KIF14: variants seen among roughly 807,000 people sequenced by gnomAD.
KIF14 encodes kinesin family member 14.
Under a neutral mutation model 176.2 loss-of-function variants are expected in KIF14, and 98 were observed. The ratio of observed to expected loss-of-function variants is 0.56; its 90% confidence interval spans 0.47 to 0.66. KIF14 has a LOEUF of 0.66. Among genes scored for constraint, KIF14 ranks in the 30% least tolerant of loss-of-function variants. The pLI is 0.00. For synonymous variants in KIF14, 566 were observed against 632.2 expected (o/e 0.90, Z 1.57); for missense variants, 1,751 against 1,920.4 (o/e 0.91, Z 1.65).
At chr1:200,574,442 C>T (rs1053851381) in intron 22 of KIF14, among the ~76,000 whole-genome samples, 13 of 152,184 alleles carry the variant, frequency 8.5e-5, no homozygotes, top group African/African-American at 2.9e-4. Context: ...ATTCTGCATC[C>T]TGAGTATGTA....
intron 13 of KIF14, among the ~76,000 whole-genome samples, chr1:200,598,751 G>T (rs1271387120): frequency 6.6e-6 from 1 of 151,924 alleles, no homozygotes; most frequent in African/African-American, 2.4e-5. Context: ...TAGAGATAGG[G>T]TTTCGTCATG....
chr1:200,559,184 T>C (rs1330915403), intron 27 of KIF14, 146 bp downstream of exon 27: 3 of 446,522 alleles, frequency 6.7e-6, no homozygotes, highest in Middle Eastern at 6.5e-4. Flanking sequence ...AATATCACCA[T>C]AAGATCATGA....
Position 200,554,534 on chromosome 1 carries a change from G to A in KIF14, c.4501C>T (p.Pro1501Ser), listed in dbSNP as rs778120976. The A allele has an allele frequency of 1.9e-6, 3 of 1,556,496 alleles. No individual in the cohort carries two copies. The highest frequency in any genetic ancestry group is 1.4e-5 in the African/African-American group (1 of 73,674). Residue 1501 changes from proline to serine, a missense_variant, in exon 29 of 30, where the codon CCA becomes TCA. By Grantham distance (74) the Pro-to-Ser change is moderately conservative. Transcript: ENST00000367350. ...QDFKRMVNRAPEFLKLKHCLE... is the reference protein window; with the variant it reads ...QDFKRMVNRASEFLKLKHCLE... The stretch of plus-strand genomic sequence containing the variant: ...CAATGTTTTAACTTTAAGAATTCTG[G>A]AGCACGATTAACCATCCTCTTGAAA...
Position 200,593,648 on chromosome 1 carries a change from A to T in KIF14, c.2652+19T>A. On this transcript the variant is annotated intron_variant, in intron 15 of 29. Transcript: ENST00000367350. Reference sequence around the variant, plus strand: ...CCAAAGTCGAACAGTTTCTTATATTATAGCACCCATCCACTTACATGACGT... The same window carrying T: ...CCAAAGTCGAACAGTTTCTTATATTTTAGCACCCATCCACTTACATGACGT... The T allele has an allele frequency of 7.1e-7, 1 of 1,404,368 alleles. No homozygotes were observed. Among genetic ancestry groups the T allele is most frequent in the Non-Finnish European group, 1.0e-6 (1 of 989,416 alleles). The allele number at this position is 1,404,368 out of a possible 1,614,324, so 87.0% of individuals were successfully genotyped here. A position where few individuals can be genotyped will look rare whatever the true frequency, so the allele number is the denominator to read the frequency against.
intron 24 of KIF14, 24 bp from the exon 25 acceptor site, chr1:200,565,277 C>A: frequency 6.4e-7 from 1 of 1,569,154 alleles, no homozygotes; most frequent in Non-Finnish European, 8.6e-7. Flanking sequence ...AGAAAAATTA[C>A]TGAATGAAAT....
At chr1:200,606,378 TC>T (rs1242968577) in intron 6 of KIF14, among the ~76,000 whole-genome samples, 25 of 152,270 alleles carry the variant, frequency 1.6e-4, no homozygotes, top group African/African-American at 5.8e-4. Flanking sequence ...AGTACCCTCT[TC>T]CCTGTCTAGC....
intron 15 of KIF14, among the ~76,000 whole-genome samples, chr1:200,592,971 T>C (rs1176851619): frequency 2.0e-5 from 3 of 152,224 alleles, no homozygotes; most frequent in Non-Finnish European, 4.4e-5. Flanking sequence ...GGGACCACTG[T>C]TACATATGTG....
intron 18 of KIF14, 76 bp downstream of exon 18, chr1:200,589,141 C>T: frequency 8.1e-7 from 1 of 1,227,740 alleles, no homozygotes; most frequent in Non-Finnish European, 1.1e-6. Context: ...TGTCAACATA[C>T]CATAAGCCAC....
intron 15 of KIF14, among the ~76,000 whole-genome samples, chr1:200,593,039 C>T (rs1360397485): frequency 1.3e-5 from 2 of 152,058 alleles, no homozygotes; most frequent in South Asian, 2.1e-4. Context: ...ATCTCATTTA[C>T]GATTCACAAC....
At chr1:200,613,205 T>C (rs1660245405) in intron 4 of KIF14, among the ~76,000 whole-genome samples, 1 of 152,110 alleles carries the variant, frequency 6.6e-6, no homozygotes, top group African/African-American at 2.4e-5. Context: ...TCTTCTCTTA[T>C]CACTTTCCAC....
intron 1 of KIF14, among the ~76,000 whole-genome samples, chr1:200,619,303 A>AT (rs35089676): frequency 0.041 from 6,020 of 147,858 alleles, 128 homozygotes; most frequent in Middle Eastern, 0.048. Context: ...TGCTACACGT[A>AT]TTTTTTTTTT....
intron 19 of KIF14, among the ~76,000 whole-genome samples, chr1:200,583,271 T>C (rs1658558347): frequency 6.6e-6 from 1 of 151,664 alleles, no homozygotes; most frequent in South Asian, 2.1e-4. Flanking sequence ...GAATATGGAG[T>C]AAATATGTGA....
In KIF14 at chr1:200,560,588, T is replaced by C. The variant is rs959055253; in HGVS notation, c.4230+134A>G. 4.4e-5 allele frequency: 44 copies of C among 1,000,118 alleles called. No individual in the cohort carries two copies. In the African/African-American group the frequency reaches 6.8e-4, roughly 16 times the overall value. 62.0% of individuals were successfully genotyped at this position (1,000,118 alleles called of 1,614,324 possible). On this transcript the variant is annotated intron_variant, in intron 26 of 29. Transcript: ENST00000367350. The stretch of plus-strand genomic sequence containing the variant: ...CACCCGGCCCAAACAGTTTTAAATC[T>C]TATTGCAAAACTACTAAAAGTACAA...
At chr1:200,567,135 C>T (rs1424260098) in intron 23 of KIF14, among the ~76,000 whole-genome samples, 16 of 151,142 alleles carry the variant, frequency 1.1e-4, no homozygotes, top group Non-Finnish European at 2.1e-4. Flanking sequence ...CGCGCCATTG[C>T]ACTCCAGCCT....
At chr1:200,609,365 C>T (rs761836789) in intron 4 of KIF14, among the ~76,000 whole-genome samples, 4 of 152,148 alleles carry the variant, frequency 2.6e-5, no homozygotes, top group East Asian at 1.9e-4. Flanking sequence ...ATAGAATTAC[C>T]GGGCCGGGCA....
rs144097275 is a variant in KIF14 at position 200,573,523 on chromosome 1, G to A, written c.3566+2068C>T. Among the ~76,000 whole-genome samples, 849 of 139,112 alleles carry A rather than the reference G, an allele frequency of 6.1e-3. 7 individuals are homozygous for A. The highest frequency in any genetic ancestry group is 0.022 in the African/African-American group (791 of 36,474). The allele number at this position is 139,112 out of a possible 152,430, so 91.3% of individuals were successfully genotyped here. A position where few individuals can be genotyped will look rare whatever the true frequency, so the allele number is the denominator to read the frequency against. On this transcript the variant is annotated intron_variant, in intron 22 of 29. Coordinates refer to ENST00000367350, the MANE Select transcript of KIF14 (RefSeq NM_014875.3). ...ATCTCGGCTCACTGCAAGCTCCTCC[G>A]CCTCCCGGGTTCACGCCATTCTCCT...
intron 3 of KIF14, 45 bp downstream of exon 3, chr1:200,615,310 T>C: frequency 6.4e-7 from 1 of 1,554,980 alleles, no homozygotes; most frequent in Non-Finnish European, 8.7e-7. Flanking sequence ...CTCACAAAAG[T>C]ATATTTAAAC....
rs187703949 is a variant in KIF14, at chr1:200,607,756, C to T, written c.1555-958G>A. 3.9e-5 allele frequency among the ~76,000 whole-genome samples: 6 copies of T among 152,158 alleles called. No homozygotes were observed. The East Asian group carries it at 5.8e-4, about 15-fold the overall frequency. On this transcript the variant is annotated intron_variant, in intron 5 of 29. Coordinates refer to ENST00000367350, the MANE Select transcript of KIF14 (RefSeq NM_014875.3). ...CTTGCTCTGTCGCCAGGCTGGAGTGCGGTGGTGAAATCTCGGCTCACTGAA... is the reference window on the plus strand; with the variant it reads ...CTTGCTCTGTCGCCAGGCTGGAGTGTGGTGGTGAAATCTCGGCTCACTGAA...
intron 4 of KIF14, among the ~76,000 whole-genome samples, 185 bp from the exon 5 acceptor site, chr1:200,609,113 C>T (rs998982844): frequency 2.0e-5 from 3 of 152,036 alleles, no homozygotes; most frequent in Admixed American, 1.3e-4. Flanking sequence ...CAAAGAAGAA[C>T]GTACAAATGG....
Sources: allele counts gnomAD v4.1 joint callset (sites outside exome capture counted in the v4.1 genomes callset), GRCh38; gene constraint gnomAD v4.1.1; transcripts MANE v1.5; gene names NCBI Gene and HGNC (gene_info 2026-07-23, HGNC 2026-07-21).